The following PDE5A variants were observed in gnomAD, a reference collection of about 807,000 sequenced individuals.
PDE5A encodes phosphodiesterase 5A, also known as cGMP-specific 3',5'-cyclic phosphodiesterase.
Under a neutral mutation model 110.2 loss-of-function variants are expected in PDE5A, and 67 were observed. The observed-to-expected ratio is 0.61, with a 90% CI of 0.50 to 0.75. PDE5A has a LOEUF of 0.75. Ranked by LOEUF, PDE5A falls within the 30% of genes least tolerant of loss-of-function variation. The pLI is 0.00. For missense variants in PDE5A, 862 were observed against 1,045.1 expected, an observed-to-expected ratio of 0.82 and a Z score of 2.42; for synonymous variants, 328 against 351.2, an observed-to-expected ratio of 0.93 and a Z score of 0.74.
rs1052346070 is a variant in PDE5A at position 119,494,884 on chromosome 4, G to A, written c.*3717C>T. The A allele has an allele frequency of 1.3e-5, 2 of 152,518 alleles. No individual in the cohort carries two copies. Among genetic ancestry groups the A allele is most frequent in the African/African-American group, 4.8e-5 (2 of 41,432 alleles). 9.4% of individuals were successfully genotyped at this position (152,518 alleles called of 1,614,324 possible). A position where few individuals can be genotyped will look rare whatever the true frequency, so the allele number is the denominator to read the frequency against. ...TAGTAAGTATATGGAATGGTAAAGTGAGCTTTAATACTTTCTTCTTCACTC... is the reference window on the plus strand; with the variant it reads ...TAGTAAGTATATGGAATGGTAAAGTAAGCTTTAATACTTTCTTCTTCACTC... On this transcript the variant is annotated 3_prime_UTR_variant, in exon 21 of 21. Transcript: ENST00000354960.
intron 17 of PDE5A, 80 bp from the exon 18 acceptor site, chr4:119,504,679 A>G (rs1725496074): frequency 1.7e-6 from 2 of 1,144,570 alleles, no homozygotes; most frequent in South Asian, 1.4e-5. Context: ...TACTAATAAA[A>G]AAAAGTTAAA....
intron 3 of PDE5A, among the ~76,000 whole-genome samples, chr4:119,588,732 G>T (rs1308860125): frequency 1.3e-5 from 2 of 152,102 alleles, no homozygotes; most frequent in East Asian, 3.9e-4. Context: ...ATGAGTTTCG[G>T]TAGGTGTTAA....
At chr4:119,507,856 C>T (rs558339903) in intron 15 of PDE5A, 152 bp from the exon 16 acceptor site, 4 of 598,484 alleles carry the variant, frequency 6.7e-6, no homozygotes, top group Non-Finnish European at 1.2e-5. Context: ...AGTTTCCCCT[C>T]TATGTTCCCA....
At chr4:119,589,264 A>C (rs1728877996) in intron 3 of PDE5A, among the ~76,000 whole-genome samples, 1 of 152,152 alleles carries the variant, frequency 6.6e-6, no homozygotes, top group South Asian at 2.1e-4. Context: ...AGAGAAAAAA[A>C]AAAATCAGTA....
At chr4:119,593,425 C>A (rs1291583195) in intron 3 of PDE5A, among the ~76,000 whole-genome samples, 1 of 152,172 alleles carries the variant, frequency 6.6e-6, no homozygotes, top group Non-Finnish European at 1.5e-5. Flanking sequence ...ACTGATACAT[C>A]CAACAGTAGG....
rs970681163 is a variant in PDE5A, at chr4:119,578,340, T to G, written c.832-11196A>C. On this transcript the variant is annotated intron_variant, in intron 3 of 20. Transcript: ENST00000354960. The stretch of plus-strand genomic sequence containing the variant: ...TTCACAGAATTGGAAAAAACTACTT[T>G]AGAGTTCATATGGAACCAAAAAAGA... 1.5e-4 allele frequency among the ~76,000 whole-genome samples: 23 copies of G among 152,152 alleles called. 1 individual carries two copies. The highest frequency in any genetic ancestry group is 1.4e-3 in the Admixed American group (22 of 15,270).
At chr4:119,590,993 A>G (rs1728944008) in intron 3 of PDE5A, among the ~76,000 whole-genome samples, 1 of 152,216 alleles carries the variant, frequency 6.6e-6, no homozygotes, top group Admixed American at 6.5e-5. Context: ...GGCTTACTCG[A>G]TAAGGGTGGA....
At chr4:119,625,783 C>T (rs1024452753) in intron 1 of PDE5A, among the ~76,000 whole-genome samples, 2 of 151,798 alleles carry the variant, frequency 1.3e-5, no homozygotes, top group East Asian at 3.9e-4. Context: ...AAGTTTTTAC[C>T]ACAAAATGTG....
intron 3 of PDE5A, among the ~76,000 whole-genome samples, chr4:119,590,029 T>C (rs1000035055): frequency 6.6e-6 from 1 of 152,158 alleles, no homozygotes; most frequent in Admixed American, 6.5e-5. Flanking sequence ...CCATCATCCA[T>C]AGCAGACTTT....
intron 3 of PDE5A, among the ~76,000 whole-genome samples, chr4:119,586,173 T>C (rs1223283530): frequency 6.6e-6 from 1 of 152,206 alleles, no homozygotes; most frequent in African/African-American, 2.4e-5. Flanking sequence ...ATCAAATAAT[T>C]TGTAATAATC....
chr4:119,502,163 G>A (rs1725368874), intron 19 of PDE5A, among the ~76,000 whole-genome samples: 2 of 151,984 alleles, frequency 1.3e-5, no homozygotes, highest in African/African-American at 4.8e-5. Flanking sequence ...CGAGAACCAA[G>A]GAGTAGGAGT....
chr4:119,576,391 A>T (rs4834783), intron 3 of PDE5A, among the ~76,000 whole-genome samples: 148,615 of 152,250 alleles, frequency 0.98, 72,637 homozygotes, highest in East Asian at 1. Flanking sequence ...TACACTCTTC[A>T]GAGCACCACA....
chr4:119,592,456 TAAAAAAAAAAAAAAAAAAA>T (rs55997249), intron 3 of PDE5A, among the ~76,000 whole-genome samples: 16 of 66,176 alleles, frequency 2.4e-4, no homozygotes, highest in African/African-American at 9.8e-4. Context: ...AGACTCTGTT[TAAAAAAAAAAAAAAAAAAA>T]AAAAAAAAAA....
intron 16 of PDE5A, 31 bp from the exon 17 acceptor site, chr4:119,505,963 T>C (rs779979565): frequency 1.6e-6 from 2 of 1,275,480 alleles, no homozygotes; most frequent in Non-Finnish European, 2.2e-6. Flanking sequence ...TTGTTAGTTA[T>C]AATGAGTACC....
intron 15 of PDE5A, among the ~76,000 whole-genome samples, chr4:119,509,790 A>G (rs550237088): frequency 6.6e-6 from 1 of 152,060 alleles, no homozygotes; most frequent in Non-Finnish European, 1.5e-5. Context: ...CCTCCCCGAC[A>G]CTGAGGTGTT....
At chr4:119,584,544 C>G (rs533969905) in intron 3 of PDE5A, among the ~76,000 whole-genome samples, 1 of 152,252 alleles carries the variant, frequency 6.6e-6, no homozygotes, top group East Asian at 1.9e-4. Context: ...TGCTTATGAA[C>G]AAATATGGAA....
At chr4:119,562,563 C>A (rs1185585206) in intron 6 of PDE5A, among the ~76,000 whole-genome samples, 1 of 152,078 alleles carries the variant, frequency 6.6e-6, no homozygotes, top group Non-Finnish European at 1.5e-5. Flanking sequence ...GTAGAAGCAG[C>A]ACACAGACAT....
intron 12 of PDE5A, among the ~76,000 whole-genome samples, chr4:119,523,960 A>G (rs769360126): frequency 6.6e-5 from 10 of 152,060 alleles, no homozygotes; most frequent in Non-Finnish European, 1.2e-4. Flanking sequence ...CATCTCATCA[A>G]TAGATACGGC....
At position 119,526,477 on chromosome 4, in the gene PDE5A, C is replaced by T. The variant is rs1726323875; in HGVS notation, c.1633-782G>A. 8.5e-5 allele frequency among the ~76,000 whole-genome samples: 13 copies of T among 152,270 alleles called. No homozygotes were observed. The South Asian group carries it at 2.7e-3, about 32-fold the overall frequency. On this transcript the variant is annotated intron_variant, in intron 11 of 20. Transcript: ENST00000354960. ...TGGGATGGGAATTTAAAGGAACCTCCACTCCTCTGACCTTGGACCATTTAC... is the reference window on the plus strand; with the variant it reads ...TGGGATGGGAATTTAAAGGAACCTCTACTCCTCTGACCTTGGACCATTTAC...
Sources: allele counts gnomAD v4.1 joint callset (sites outside exome capture counted in the v4.1 genomes callset), GRCh38; gene constraint gnomAD v4.1.1; transcripts MANE v1.5; gene names NCBI Gene and HGNC (gene_info 2026-07-23, HGNC 2026-07-21).